Variants in PTCD1 observed in about 807,000 individuals in gnomAD.
The protein encoded by PTCD1 is pentatricopeptide repeat domain 1, also known as pentatricopeptide repeat-containing protein 1, mitochondrial.
Under a neutral mutation model 53.4 loss-of-function variants are expected in PTCD1, and 50 were observed. That is an observed-to-expected ratio of 0.94 (90% confidence interval 0.75 to 1.19). PTCD1 has a LOEUF of 1.19. PTCD1 is among the 50% of genes most tolerant of loss of function. The probability of loss-of-function intolerance (pLI) is 0.00; values close to 1 mark genes in which losing one functional copy is unlikely to be tolerated. For missense variants in PTCD1, 918 were observed against 904.8 expected, an observed-to-expected ratio of 1.01 and a Z score of -0.19; for synonymous variants, 413 against 394.8, an observed-to-expected ratio of 1.05 and a Z score of -0.55.
Position 99,438,594 on chromosome 7 carries a change from A to T in PTCD1, c.-27+98T>A, listed in dbSNP as rs1032208961. ...CTGCAGCCTCAGTTTCCCTCCTCAG[A>T]CGCCCCCGGCTCCAATCCCGGCTCG... On this transcript the variant is annotated intron_variant, in intron 1 of 7. Transcript: ENST00000292478. 8 of 1,137,920 alleles carry T rather than the reference A, an allele frequency of 7.0e-6. No homozygotes were observed. The African/African-American group carries it at 1.4e-4, about 19-fold the overall frequency. The allele number at this position is 1,137,920 out of a possible 1,614,324, so 70.5% of individuals were successfully genotyped here. A position where few individuals can be genotyped will look rare whatever the true frequency, so the allele number is the denominator to read the frequency against.
chr7:99,433,977 G>C (rs548719421), intron 2 of PTCD1, among the ~76,000 whole-genome samples: 1 of 147,442 alleles, frequency 6.8e-6, no homozygotes, highest in Non-Finnish European at 1.5e-5. Context: ...GCTTGAACCC[G>C]GGAGGCAGAG....
chr7:99,419,994 A>G lies in PTCD1; in HGVS notation c.2076T>C (p.Asp692=), dbSNP rs143126829. Residue 692 remains aspartate (D), a synonymous_variant, in exon 8 of 8, where the codon GAT becomes GAC. Transcript: ENST00000292478. ...ACCTGCCCCCAAGGGCACATCCGTC[A>G]TCAGCCTCCTTGCCGGTGTCCTGGT... ...QGDQDTGKEA[D]DGCALGGR is the part of the protein sequence containing the mutation. 165 of 1,614,178 alleles carry G rather than the reference A, an allele frequency of 1.0e-4. No individual in the cohort carries two copies. The African/African-American group carries it at 2.0e-3, about 19-fold the overall frequency.
chr7:99,424,424 G>A (rs552762777), intron 6 of PTCD1, among the ~76,000 whole-genome samples: 1 of 152,330 alleles, frequency 6.6e-6, no homozygotes, highest in Non-Finnish European at 1.5e-5. Context: ...TTCCAATGGG[G>A]GTTAGGTGGG....
intron 7 of PTCD1, among the ~76,000 whole-genome samples, chr7:99,420,645 C>G (rs1795762770): frequency 6.6e-6 from 1 of 152,218 alleles, no homozygotes; most frequent in African/African-American, 2.4e-5. Context: ...ATCCAACATA[C>G]AGCTACTACC....
At chr7:99,431,458 T>C (rs1175627384) in intron 3 of PTCD1, among the ~76,000 whole-genome samples, 1 of 145,960 alleles carries the variant, frequency 6.9e-6, no homozygotes, top group Non-Finnish European at 1.5e-5. Context: ...ATAGATGTAA[T>C]GGGCTGGGTG....
Position 99,417,906 on chromosome 7 carries a change from G to A in PTCD1, c.*2061C>T. The A allele has an allele frequency of 7.6e-7, 1 of 1,316,596 alleles. No individual in the cohort carries two copies. The allele number at this position is 1,316,596 out of a possible 1,614,324, so 81.6% of individuals were successfully genotyped here. ...GTGGTGGCAGGGTGACATCAGGGAA[G>A]GACAACCAGTGAGTTCCTGTCCCTT... On this transcript the variant is annotated 3_prime_UTR_variant, in exon 8 of 8. Coordinates refer to ENST00000292478, the MANE Select transcript of PTCD1 (RefSeq NM_015545.4).
At chr7:99,423,196 C>T (rs1232550448) in intron 7 of PTCD1, among the ~76,000 whole-genome samples, 1 of 152,134 alleles carries the variant, frequency 6.6e-6, no homozygotes, top group African/African-American at 2.4e-5. Flanking sequence ...ACTTCACTGC[C>T]TGCCCAGTCC....
chr7:99,433,244 A>C, intron 3 of PTCD1, 34 bp downstream of exon 3: 1 of 1,613,978 alleles, frequency 6.2e-7, no homozygotes, highest in Non-Finnish European at 8.5e-7. Flanking sequence ...AGCTTTTCAG[A>C]GCCTCACCCC....
chr7:99,427,286 C>A (rs1452642733), intron 5 of PTCD1, among the ~76,000 whole-genome samples: 8 of 145,670 alleles, frequency 5.5e-5, no homozygotes, highest in African/African-American at 2.0e-4. Context: ...CCGGCTAGCA[C>A]CCCGTCCAGG....
chr7:99,434,924 C>A lies in PTCD1; in HGVS notation c.319G>T (p.Ala107Ser). Residue 107 changes from alanine to serine, a missense_variant, in exon 2 of 8, where the codon GCC (alanine) becomes TCC (serine). Ala to Ser is a moderately conservative substitution (Grantham distance 99). Transcript: ENST00000292478. ...CCAAACCGCAGGTTATGGAACTGGGCTGCGGATTTGCGGAATAGTCTCCGG... is the reference window on the plus strand; with the variant it reads ...CCAAACCGCAGGTTATGGAACTGGGATGCGGATTTGCGGAATAGTCTCCGG... ...SSRRLFRKSA[A>S]QFHNLRFGER... 6.2e-7 allele frequency: 1 copy of A among 1,614,228 alleles called. No individual in the cohort carries two copies. Among genetic ancestry groups the A allele is most frequent in the Non-Finnish European group, 8.5e-7 (1 of 1,180,046 alleles).
chr7:99,423,356 G>A (rs28497153), intron 7 of PTCD1, among the ~76,000 whole-genome samples: 12,548 of 152,164 alleles, frequency 0.082, 1,634 homozygotes, highest in African/African-American at 0.27. Flanking sequence ...TGTAGGACAC[G>A]GCATAAAGGA....
At chr7:99,433,512 T>C (rs1796340015) in intron 2 of PTCD1, 94 bp from the exon 3 acceptor site, 1 of 1,605,608 alleles carries the variant, frequency 6.2e-7, no homozygotes, top group South Asian at 1.1e-5. Flanking sequence ...CCTCCTAAAA[T>C]GGTGGAGAAC....
chr7:99,417,765 G>C lies in PTCD1; in HGVS notation c.*2202C>G, dbSNP rs1176023958. 13 of 1,532,482 alleles carry C rather than the reference G, an allele frequency of 8.5e-6. No homozygotes were observed. Among genetic ancestry groups the C allele is most frequent in the Non-Finnish European group, 1.1e-5 (13 of 1,145,138 alleles). The allele number at this position is 1,532,482 out of a possible 1,614,324, so 94.9% of individuals were successfully genotyped here. On this transcript the variant is annotated 3_prime_UTR_variant, in exon 8 of 8. Transcript: ENST00000292478. ...CCCTGTATTCAGGAATCCATGTGAG[G>C]CAGCGTGTGGCTGTGTGTTTGTTAG... is the stretch of plus-strand genomic sequence containing the variant.
In PTCD1 at chr7:99,435,212, C is replaced by T. The variant is rs150342946; in HGVS notation, c.31G>A (p.Ala11Thr). The change falls in exon 2 of 8, where the codon GCC becomes ACC. Residue 11 changes from alanine to threonine, a missense_variant. By Grantham distance (58) the Ala-to-Thr change is moderately conservative. Transcript: ENST00000292478. ...AACAGTCCCATGGGGCGGGCCCTGG[C>T]GAACAGTCGAGCGAGTCTCACGAAG... MDFVRLARLF[A>T]RARPMGLFIL... 5.6e-6 allele frequency: 9 copies of T among 1,603,690 alleles called. No individual in the cohort carries two copies. Among genetic ancestry groups the T allele is most frequent in the South Asian group, 1.1e-5 (1 of 91,060 alleles).
In PTCD1 at chr7:99,429,121, G is replaced by A. The variant is rs1414688623; in HGVS notation, c.897C>T (p.Gly299=). 6.2e-7 allele frequency: 1 copy of A among 1,614,202 alleles called. No homozygotes were observed. Among genetic ancestry groups the A allele is most frequent in the Non-Finnish European group, 8.5e-7 (1 of 1,180,028 alleles). ...GACATACCTGGAGGGCGTACCGGAA[G>A]CCTGTCTTCTTGTCTTGGATGCAGC... ...LMGCIQDKKT[G]FRYALQVWRL... The change falls in exon 5 of 8, where the codon GGC becomes GGT. Residue 299 remains glycine, a synonymous_variant. Transcript: ENST00000292478.
chr7:99,434,128 A>C (rs143635392), intron 2 of PTCD1, among the ~76,000 whole-genome samples: 1 of 151,674 alleles, frequency 6.6e-6, no homozygotes, highest in Non-Finnish European at 1.5e-5. Context: ...CAGTATATCA[A>C]GTGATGACAG....
intron 1 of PTCD1, among the ~76,000 whole-genome samples, chr7:99,437,408 G>A (rs1317814078): frequency 6.6e-6 from 1 of 151,430 alleles, no homozygotes; most frequent in South Asian, 2.1e-4. Context: ...GGATTCAAGC[G>A]ATTCTCCTGC....
chr7:99,432,699 A>G (rs1384243574), intron 3 of PTCD1, among the ~76,000 whole-genome samples: 2 of 152,052 alleles, frequency 1.3e-5, no homozygotes, highest in African/African-American at 2.4e-5. Context: ...TCTGTGTCTT[A>G]TTTCTTTTCT....
chr7:99,418,004 G>A lies in PTCD1; in HGVS notation c.*1963C>T. The A allele has an allele frequency of 8.6e-7, 1 of 1,162,308 alleles. No individual in the cohort carries two copies. The highest frequency in any genetic ancestry group is 1.1e-6 in the Non-Finnish European group (1 of 931,858). The allele number at this position is 1,162,308 out of a possible 1,614,324, so 72.0% of individuals were successfully genotyped here. A position where few individuals can be genotyped will look rare whatever the true frequency, so the allele number is the denominator to read the frequency against. On this transcript the variant is annotated 3_prime_UTR_variant, in exon 8 of 8. Transcript: ENST00000292478. Reference sequence around the variant, plus strand: ...CCCCCCCAAGACGGAGTCTTGCTTTGTCGCCCAGGCTGGAGTGCAGTGATG... The same window carrying A: ...CCCCCCCAAGACGGAGTCTTGCTTTATCGCCCAGGCTGGAGTGCAGTGATG...
Sources: allele counts gnomAD v4.1 joint callset (sites outside exome capture counted in the v4.1 genomes callset), GRCh38; gene constraint gnomAD v4.1.1; transcripts MANE v1.5; gene names NCBI Gene and HGNC (gene_info 2026-07-23, HGNC 2026-07-21).